The following PDE6D variants were observed in gnomAD, a reference collection of about 807,000 sequenced individuals.
PDE6D encodes phosphodiesterase 6D.
In PDE6D, 10 loss-of-function variants were observed where a neutral mutation model predicts 21.9. The ratio of observed to expected loss-of-function variants is 0.46; its 90% confidence interval spans 0.28 to 0.78. The LOEUF (loss-of-function observed/expected upper bound fraction) is 0.78. Among genes scored for constraint, PDE6D ranks in the 30% least tolerant of loss-of-function variants. PDE6D has a pLI of 0.12. For missense variants in PDE6D, 139 were observed against 184.8 expected (o/e 0.75, Z 1.44); for synonymous variants, 59 against 63.5 (o/e 0.93, Z 0.34).
At chr2:231,759,605 A>G (rs2048910183) in intron 1 of PDE6D, among the ~76,000 whole-genome samples, 1 of 152,200 alleles carries the variant, frequency 6.6e-6, no homozygotes. Context: ...GATCTGTGGA[A>G]TCTATTTCTC....
At position 231,739,231 on chromosome 2, in the gene PDE6D, CT is replaced by C. The variant is rs1242469741; in HGVS notation, c.51-44del. The C allele has an allele frequency of 8.2e-7, 1 of 1,219,198 alleles. No individual in the cohort carries two copies. Among genetic ancestry groups the C allele is most frequent in the African/African-American group, 1.5e-5 (1 of 67,342 alleles). The allele number at this position is 1,219,198 out of a possible 1,614,324, so 75.5% of individuals were successfully genotyped here. A position where few individuals can be genotyped will look rare whatever the true frequency, so the allele number is the denominator to read the frequency against. ...AGGAAAAATAAGGCACTGAAAGTGA[CT>C]CCCACTTTGTATTCTAGGTGTCTCA... On this transcript the variant is annotated intron_variant, in intron 1 of 4. Transcript: ENST00000287600. The surrounding 1 kb of genome is among the most constrained non-coding windows in gnomAD (Gnocchi z 4.2).
intron 1 of PDE6D, among the ~76,000 whole-genome samples, chr2:231,740,112 A>G (rs2048735375): frequency 6.6e-6 from 1 of 152,320 alleles, no homozygotes; most frequent in Non-Finnish European, 1.5e-5. Flanking sequence ...AAAATTCTGT[A>G]TATTTTAGGT....
At chr2:231,738,286 T>C (rs2048720218) in intron 2 of PDE6D, 148 bp from the exon 3 acceptor site, 1 of 805,720 alleles carries the variant, frequency 1.2e-6, no homozygotes, top group East Asian at 2.5e-5. Flanking sequence ...TTTTGGATAA[T>C]GCCTTGGTAA....
chr2:231,735,665 C>T (rs2048693636), intron 4 of PDE6D, among the ~76,000 whole-genome samples: 1 of 152,024 alleles, frequency 6.6e-6, no homozygotes, highest in Non-Finnish European at 1.5e-5. Flanking sequence ...CCCGCCTCAG[C>T]TTCCCAAGTA....
At chr2:231,743,474 G>T (rs1168576082) in intron 1 of PDE6D, among the ~76,000 whole-genome samples, 1 of 151,740 alleles carries the variant, frequency 6.6e-6, no homozygotes, top group African/African-American at 2.4e-5. Context: ...TATAACAAAG[G>T]GTTATTCAGC....
At chr2:231,751,619 C>T (rs2048840730) in intron 1 of PDE6D, among the ~76,000 whole-genome samples, 1 of 152,146 alleles carries the variant, frequency 6.6e-6, no homozygotes, top group East Asian at 1.9e-4. Flanking sequence ...TTTTTGATGA[C>T]CTTGACAGTT....
chr2:231,742,883 GA>G (rs1314471616), intron 1 of PDE6D, among the ~76,000 whole-genome samples: 2 of 152,156 alleles, frequency 1.3e-5, no homozygotes, highest in African/African-American at 4.8e-5. Flanking sequence ...ACTTTCGAGG[GA>G]GTTGGAAGTT....
chr2:231,778,156 C>G (rs965260626), intron 1 of PDE6D, among the ~76,000 whole-genome samples: 1 of 152,166 alleles, frequency 6.6e-6, no homozygotes, highest in African/African-American at 2.4e-5. Flanking sequence ...ATCCCAGCTA[C>G]TCAGGAGGCT....
At chr2:231,770,909 C>T (rs1377068121) in intron 1 of PDE6D, among the ~76,000 whole-genome samples, 5 of 150,408 alleles carry the variant, frequency 3.3e-5, no homozygotes, top group Non-Finnish European at 7.4e-5. Context: ...GTTGAGATCG[C>T]GCCATTGCAC....
At chr2:231,733,634 T>C (rs2048669697) in intron 4 of PDE6D, among the ~76,000 whole-genome samples, 1 of 152,176 alleles carries the variant, frequency 6.6e-6, no homozygotes, top group Admixed American at 6.6e-5. Flanking sequence ...AGATCCTTCC[T>C]GTAGCTTCTC....
chr2:231,781,267 A>G lies in PDE6D; in HGVS notation c.-153T>C, dbSNP rs2049123700. 3 of 661,592 alleles carry G rather than the reference A, an allele frequency of 4.5e-6. No homozygotes were observed. Among genetic ancestry groups the G allele is most frequent in the Non-Finnish European group, 8.0e-6 (3 of 374,124 alleles). 41.0% of individuals were successfully genotyped at this position (661,592 alleles called of 1,614,324 possible). On this transcript the variant is annotated 5_prime_UTR_variant, in exon 1 of 5. Coordinates refer to ENST00000287600, the MANE Select transcript of PDE6D (RefSeq NM_002601.4). ...CCAGGACCGGCCTCTCTCTCCCCTC[A>G]GCTCCCGCTTCTGATCCCTTCTCCT... is the stretch of plus-strand genomic sequence containing the variant.
At chr2:231,763,712 T>A (rs1338901116) in intron 1 of PDE6D, among the ~76,000 whole-genome samples, 1 of 151,824 alleles carries the variant, frequency 6.6e-6, no homozygotes, top group Non-Finnish European at 1.5e-5. Context: ...TACAGCTCAC[T>A]GTAACCCCAA....
chr2:231,775,021 T>A (rs57035905), intron 1 of PDE6D, among the ~76,000 whole-genome samples: 5,647 of 152,124 alleles, frequency 0.037, 332 homozygotes, highest in African/African-American at 0.12. Context: ...CAAGCAATTG[T>A]CCTGCCTCTG....
At chr2:231,776,332 A>T (rs2049056660) in intron 1 of PDE6D, among the ~76,000 whole-genome samples, 1 of 151,698 alleles carries the variant, frequency 6.6e-6, no homozygotes, top group African/African-American at 2.4e-5. Context: ...AAAAAAAAAA[A>T]AAAAAAAAAA....
intron 1 of PDE6D, among the ~76,000 whole-genome samples, chr2:231,761,332 C>T (rs772039719): frequency 1.3e-5 from 2 of 152,074 alleles, no homozygotes; most frequent in Admixed American, 6.6e-5. Flanking sequence ...CCTGCCACCA[C>T]GCCCGGCTAA....
intron 1 of PDE6D, among the ~76,000 whole-genome samples, chr2:231,752,771 T>G (rs1165655661): frequency 6.6e-6 from 1 of 150,446 alleles, no homozygotes; most frequent in Non-Finnish European, 1.5e-5. Context: ...ACTTGTATTA[T>G]ATATATATTA....
chr2:231,733,132 A>G (rs141120836), intron 4 of PDE6D, 99 bp from the exon 5 acceptor site: 157 of 794,556 alleles, frequency 2.0e-4, no homozygotes, highest in Non-Finnish European at 2.9e-4. Flanking sequence ...TCCTGGGCCA[A>G]TGGACATGCA....
chr2:231,733,108 G>C, intron 4 of PDE6D, 75 bp from the exon 5 acceptor site: 1 of 1,030,832 alleles, frequency 9.7e-7, no homozygotes, highest in South Asian at 1.3e-5. Context: ...CCACAAAGTG[G>C]TTTCCATCTG....
chr2:231,734,832 G>A (rs2048683761), intron 4 of PDE6D, among the ~76,000 whole-genome samples: 1 of 144,460 alleles, frequency 6.9e-6, no homozygotes, highest in South Asian at 2.2e-4. Flanking sequence ...GGGCGACAGA[G>A]CGAGACTCCG....
Sources: allele counts gnomAD v4.1 joint callset (sites outside exome capture counted in the v4.1 genomes callset), GRCh38; gene constraint gnomAD v4.1.1; non-coding constraint Gnocchi (gnomAD v3.1); transcripts MANE v1.5; gene names NCBI Gene and HGNC (gene_info 2026-07-23, HGNC 2026-07-21).